The following NR3C2 variants were observed in gnomAD, a reference collection of about 807,000 sequenced individuals.
The protein encoded by NR3C2 is nuclear receptor subfamily 3 group C member 2, also known as mineralocorticoid receptor.
A neutral mutation model predicts 86.4 loss-of-function variants in NR3C2; 15 were observed. That is an observed-to-expected ratio of 0.17 (90% confidence interval 0.12 to 0.27). The LOEUF (loss-of-function observed/expected upper bound fraction) is 0.27. Ranked by LOEUF, NR3C2 falls within the 10% of genes least tolerant of loss-of-function variation. The pLI is 1.00. For synonymous variants in NR3C2, 458 were observed against 450.5 expected (o/e 1.02, Z -0.21); for missense variants, 960 against 1,195.6 (o/e 0.80, Z 2.91).
chr4:148,113,133 C>G (rs1490996902), intron 8 of NR3C2, among the ~76,000 whole-genome samples: 1 of 152,116 alleles, frequency 6.6e-6, no homozygotes, highest in Non-Finnish European at 1.5e-5. Flanking sequence ...GTAGAAACTG[C>G]TAAAACCACC....
intron 6 of NR3C2, among the ~76,000 whole-genome samples, chr4:148,141,141 G>A (rs910968429): frequency 2.6e-5 from 4 of 152,050 alleles, no homozygotes; most frequent in African/African-American, 9.7e-5. Context: ...CCAGTTATAT[G>A]TATTTTTGCG....
Position 148,168,098 on chromosome 4 carries a change from C to CAT in NR3C2, c.2015-13199_2015-13198dup, listed in dbSNP as rs1285415604. Among the ~76,000 whole-genome samples, 89 of 152,128 alleles carry CAT rather than the reference C, an allele frequency of 5.9e-4. 2 individuals carry two copies. Among genetic ancestry groups the CAT allele is most frequent in the Admixed American group, 5.8e-3 (89 of 15,278 alleles). Reference sequence around the variant, plus strand: ...AAAGAGGCCTTTAGCTTCATAGAACCATACTCCAGAAATAGACTCCAGGAA... The same window carrying CAT: ...AAAGAGGCCTTTAGCTTCATAGAACCATATACTCCAGAAATAGACTCCAGGAA... On this transcript the variant is annotated intron_variant, in intron 4 of 8. Transcript: ENST00000358102.
At chr4:148,119,982 C>T (rs1444297822) in intron 7 of NR3C2, among the ~76,000 whole-genome samples, 176 bp downstream of exon 7, 1 of 152,184 alleles carries the variant, frequency 6.6e-6, no homozygotes, top group Non-Finnish European at 1.5e-5. Context: ...AAGCTTCATA[C>T]TTTGCAAGTA....
At chr4:148,104,482 G>C (rs1388903844) in intron 8 of NR3C2, among the ~76,000 whole-genome samples, 1 of 151,380 alleles carries the variant, frequency 6.6e-6, no homozygotes, top group Non-Finnish European at 1.5e-5. Flanking sequence ...TCATGGCCTT[G>C]TCAAAGAAGA....
intron 2 of NR3C2, among the ~76,000 whole-genome samples, chr4:148,318,265 C>T (rs1743331110): frequency 6.6e-6 from 1 of 151,414 alleles, no homozygotes; most frequent in Non-Finnish European, 1.5e-5. Context: ...TTTCTTAATC[C>T]AGTCTATCAT....
At chr4:148,195,593 G>C (rs1247344381) in intron 3 of NR3C2, among the ~76,000 whole-genome samples, 1 of 152,182 alleles carries the variant, frequency 6.6e-6, no homozygotes, top group African/African-American at 2.4e-5. Flanking sequence ...TAAGATGTCA[G>C]ATAATAATAA....
rs533687617 is a variant in NR3C2, at chr4:148,079,850, CG to C, written c.*1493del. The C allele has an allele frequency of 1.5e-3, 230 of 152,642 alleles. 2 individuals carry two copies. Among genetic ancestry groups the C allele is most frequent in the Admixed American group, 9.9e-3 (152 of 15,296 alleles). 9.5% of individuals were successfully genotyped at this position (152,642 alleles called of 1,614,324 possible). ...CAGACTGAACCTTGCCAAGATGGGCCGTCCCAGCGCATCCTGCCATGATCTG... is the reference window on the plus strand; with the variant it reads ...CAGACTGAACCTTGCCAAGATGGGCCTCCCAGCGCATCCTGCCATGATCTG... On this transcript the variant is annotated 3_prime_UTR_variant, in exon 9 of 9. Transcript: ENST00000358102.
At chr4:148,096,693 GAA>G (rs148756525) in intron 8 of NR3C2, among the ~76,000 whole-genome samples, 3 of 151,722 alleles carry the variant, frequency 2.0e-5, no homozygotes, top group African/African-American at 7.3e-5. Flanking sequence ...TTAAATGACT[GAA>G]AAAAAATCCA....
intron 2 of NR3C2, among the ~76,000 whole-genome samples, chr4:148,308,233 A>G (rs1429595424): frequency 6.6e-6 from 1 of 152,152 alleles, no homozygotes; most frequent in Non-Finnish European, 1.5e-5. Flanking sequence ...GAAAGCGACA[A>G]ATATAAACCC....
intron 2 of NR3C2, among the ~76,000 whole-genome samples, chr4:148,343,054 GA>G (rs1744825339): frequency 6.6e-6 from 1 of 152,182 alleles, no homozygotes; most frequent in East Asian, 1.9e-4. Flanking sequence ...GATACAGAAT[GA>G]AATTCATCTG....
chr4:148,190,300 C>T (rs922278150), intron 4 of NR3C2, among the ~76,000 whole-genome samples: 1 of 152,154 alleles, frequency 6.6e-6, no homozygotes, highest in Non-Finnish European at 1.5e-5. Context: ...TGACCCAATG[C>T]TCATTCAGGA....
At chr4:148,115,036 C>T (rs112359636) in intron 7 of NR3C2, among the ~76,000 whole-genome samples, 3,602 of 152,180 alleles carry the variant, frequency 0.024, 148 homozygotes, top group African/African-American at 0.081. Flanking sequence ...CTGGTTTATG[C>T]GTGTGAGGGG....
chr4:148,241,861 A>C (rs1739065899), intron 3 of NR3C2, among the ~76,000 whole-genome samples: 1 of 152,226 alleles, frequency 6.6e-6, no homozygotes, highest in Non-Finnish European at 1.5e-5. Flanking sequence ...TAACTACTAC[A>C]GCAAATCATA....
chr4:148,305,615 GAGAGA>G (rs1327297075), intron 2 of NR3C2, among the ~76,000 whole-genome samples: 5 of 151,266 alleles, frequency 3.3e-5, no homozygotes, highest in African/African-American at 1.2e-4. Context: ...GCTACGCTTT[GAGAGA>G]ACTTCAGGAT....
chr4:148,112,378 T>C (rs1732084096), intron 8 of NR3C2, among the ~76,000 whole-genome samples: 1 of 152,226 alleles, frequency 6.6e-6, no homozygotes. Flanking sequence ...AAAACCTCCA[T>C]TCTATTCTCT....
chr4:148,261,434 G>A (rs1268285492), intron 2 of NR3C2, among the ~76,000 whole-genome samples: 11 of 152,018 alleles, frequency 7.2e-5, no homozygotes, highest in African/African-American at 2.4e-4. Flanking sequence ...AAGCGCTATG[G>A]TGCGCTACGG....
intron 2 of NR3C2, among the ~76,000 whole-genome samples, chr4:148,346,189 C>T (rs1744982906): frequency 6.6e-6 from 1 of 152,034 alleles, no homozygotes; most frequent in Non-Finnish European, 1.5e-5. Flanking sequence ...GCAATGGAAA[C>T]TATGAAAATA....
intron 2 of NR3C2, among the ~76,000 whole-genome samples, chr4:148,314,959 T>C (rs1266067930): frequency 2.0e-5 from 3 of 152,228 alleles, no homozygotes; most frequent in African/African-American, 7.2e-5. Flanking sequence ...ACGAACATTA[T>C]ACAATAAATG....
intron 2 of NR3C2, among the ~76,000 whole-genome samples, chr4:148,330,319 C>A (rs1351462936): frequency 1.3e-5 from 2 of 152,174 alleles, no homozygotes; most frequent in African/African-American, 4.8e-5. Context: ...CTGGCCCACA[C>A]ACACTATGAA....
Sources: allele counts gnomAD v4.1 joint callset (sites outside exome capture counted in the v4.1 genomes callset), GRCh38; gene constraint gnomAD v4.1.1; transcripts MANE v1.5; gene names NCBI Gene and HGNC (gene_info 2026-07-23, HGNC 2026-07-21).